Variants in SYT1 observed in about 807,000 individuals in gnomAD.
SYT1 encodes synaptotagmin-1.
Under a neutral mutation model 44.8 loss-of-function variants are expected in SYT1, and 8 were observed. That is an observed-to-expected ratio of 0.18 (90% confidence interval 0.10 to 0.32). The LOEUF is 0.32. Among genes scored for constraint, SYT1 ranks in the 10% least tolerant of loss-of-function variants. The probability of loss-of-function intolerance (pLI) is 1.00; values close to 1 mark genes in which losing one functional copy is unlikely to be tolerated. For synonymous variants in SYT1, 154 were observed against 188.8 expected (o/e 0.82, Z 1.51); for missense variants, 286 against 509.3 (o/e 0.56, Z 4.22).
intron 1 of SYT1, among the ~76,000 whole-genome samples, chr12:78,930,462 G>C (rs1236239638): frequency 6.6e-6 from 1 of 151,230 alleles, no homozygotes; most frequent in Non-Finnish European, 1.5e-5. Context: ...AAGTAACAAA[G>C]AAAACAAAAA....
intron 3 of SYT1, among the ~76,000 whole-genome samples, chr12:79,131,140 T>C (rs1223617042): frequency 6.6e-6 from 1 of 151,996 alleles, no homozygotes; most frequent in Non-Finnish European, 1.5e-5. Context: ...TCTTTGCCCA[T>C]TGTTTTATTA....
At chr12:79,321,461 G>C (rs1198740446) in intron 8 of SYT1, among the ~76,000 whole-genome samples, 1 of 152,090 alleles carries the variant, frequency 6.6e-6, no homozygotes, top group Non-Finnish European at 1.5e-5. Context: ...AAAGTGATGA[G>C]GGATAACTTT....
intron 9 of SYT1, among the ~76,000 whole-genome samples, chr12:79,381,316 G>T (rs1884213863): frequency 6.6e-6 from 1 of 152,158 alleles, no homozygotes; most frequent in South Asian, 2.1e-4. Flanking sequence ...AAACTCTGTA[G>T]TTGAGACTGT....
chr12:79,176,788 A>G (rs995408315), intron 3 of SYT1, among the ~76,000 whole-genome samples: 3 of 152,018 alleles, frequency 2.0e-5, no homozygotes, highest in Non-Finnish European at 4.4e-5. Flanking sequence ...GATAAAAATA[A>G]GTTGAAGACA....
intron 3 of SYT1, among the ~76,000 whole-genome samples, chr12:79,205,648 T>C (rs1033044023): frequency 1.3e-5 from 2 of 152,252 alleles, no homozygotes; most frequent in Non-Finnish European, 2.9e-5. Flanking sequence ...TATATCACTT[T>C]AGTAATTCAG....
chr12:79,446,580 A>G (rs1443166168), intron 10 of SYT1, among the ~76,000 whole-genome samples: 1 of 152,170 alleles, frequency 6.6e-6, no homozygotes, highest in African/African-American at 2.4e-5. Flanking sequence ...TAAATGACCA[A>G]AAATAACCAA....
chr12:79,286,215 T>C (rs1164558654), intron 5 of SYT1, among the ~76,000 whole-genome samples: 1 of 152,168 alleles, frequency 6.6e-6, no homozygotes, highest in Non-Finnish European at 1.5e-5. Context: ...CCCATCTTGA[T>C]GGGTTTGGCA....
In SYT1 at chr12:79,448,200, G is replaced by C. The variant is rs555047524; in HGVS notation, c.1063-718G>C. On this transcript the variant is annotated intron_variant, in intron 10 of 10. Coordinates refer to ENST00000261205, the MANE Select transcript of SYT1 (RefSeq NM_005639.3). ...CTGATGGAATCATTGAATAAATCCC[G>C]TGTAGCCTAAACTGATATTTCCATT... 3.3e-5 allele frequency among the ~76,000 whole-genome samples: 5 copies of C among 152,180 alleles called. No homozygotes were observed. The East Asian group carries it at 5.8e-4, about 18-fold the overall frequency.
intron 3 of SYT1, among the ~76,000 whole-genome samples, chr12:79,051,153 C>A (rs928710355): frequency 2.6e-5 from 4 of 151,360 alleles, no homozygotes; most frequent in Non-Finnish European, 5.9e-5. Context: ...TAAAAAAAAA[C>A]TCTTCTCCAA....
rs1314492329 is a variant in SYT1, at chr12:79,448,845, C to T, written c.1063-73C>T. 17 of 1,393,470 alleles carry T rather than the reference C, an allele frequency of 1.2e-5. No individual in the cohort carries two copies. In the Admixed American group the frequency reaches 2.8e-4, roughly 23 times the overall value. The allele number at this position is 1,393,470 out of a possible 1,614,324, so 86.3% of individuals were successfully genotyped here. ...TTCTTCTATTTCCAATTCTTTAGCGCTCAAGGACGCTTTATAGTCGGGCCT... is the reference window on the plus strand; with the variant it reads ...TTCTTCTATTTCCAATTCTTTAGCGTTCAAGGACGCTTTATAGTCGGGCCT... On this transcript the variant is annotated intron_variant, in intron 10 of 10. Transcript: ENST00000261205.
intron 9 of SYT1, among the ~76,000 whole-genome samples, chr12:79,364,254 C>T (rs893594698): frequency 3.6e-5 from 5 of 140,550 alleles, no homozygotes; most frequent in African/African-American, 5.3e-5. Flanking sequence ...AATGGTTAAA[C>T]GAAAGAAAAA....
chr12:78,986,832 C>T (rs1161846209), intron 2 of SYT1, among the ~76,000 whole-genome samples: 13 of 151,948 alleles, frequency 8.6e-5, no homozygotes, highest in Admixed American at 8.5e-4. Flanking sequence ...GGATTAGATA[C>T]ATATCTTTCT....
chr12:79,240,286 C>G (rs532201721), intron 4 of SYT1, among the ~76,000 whole-genome samples: 1 of 152,326 alleles, frequency 6.6e-6, no homozygotes, highest in East Asian at 1.9e-4. Context: ...TGGCACTACT[C>G]TATTTTTTAC....
intron 1 of SYT1, among the ~76,000 whole-genome samples, chr12:78,961,049 C>CATTGTATTGAAG (rs140080882): frequency 0.03 from 4,633 of 152,090 alleles, 205 homozygotes; most frequent in African/African-American, 0.1. Flanking sequence ...TCAAAATGCC[C>CATTGTATTGAAG]ATTGAGTATT....
chr12:78,999,053 A>G (rs1870558336), intron 2 of SYT1, among the ~76,000 whole-genome samples: 1 of 152,206 alleles, frequency 6.6e-6, no homozygotes, highest in African/African-American at 2.4e-5. Flanking sequence ...ACTTTGGACC[A>G]TGTCACAGAA....
intron 3 of SYT1, among the ~76,000 whole-genome samples, chr12:79,204,122 CTG>C (rs1454032756): frequency 2.0e-5 from 3 of 152,156 alleles, no homozygotes; most frequent in Non-Finnish European, 4.4e-5. Flanking sequence ...TAGAGAGACA[CTG>C]TAATAATATT....
chr12:78,902,846 A>G (rs1369372226), intron 1 of SYT1, among the ~76,000 whole-genome samples: 1 of 152,146 alleles, frequency 6.6e-6, no homozygotes, highest in Non-Finnish European at 1.5e-5. Flanking sequence ...GCGTGCTGTG[A>G]AAGACTCTGA....
intron 3 of SYT1, among the ~76,000 whole-genome samples, chr12:79,145,750 T>TG (rs1419061938): frequency 2.9e-5 from 4 of 138,676 alleles, no homozygotes; most frequent in Admixed American, 2.2e-4. Context: ...TTTTTTTTTT[T>TG]TTGTTTGTTT....
chr12:79,446,008 T>TACAC (rs1565961462), intron 10 of SYT1, among the ~76,000 whole-genome samples: 4 of 116,706 alleles, frequency 3.4e-5, no homozygotes, highest in African/African-American at 1.0e-4. Flanking sequence ...TATATATATA[T>TACAC]ATATATATAT....
Sources: gnomAD v4.1 joint callset for allele counts (sites outside exome capture counted in the v4.1 genomes callset) on GRCh38, gnomAD v4.1.1 for gene constraint, MANE v1.5 for transcripts, NCBI Gene and HGNC (gene_info 2026-07-23, HGNC 2026-07-21) for gene names.